AFDN: variants seen among roughly 807,000 people sequenced by gnomAD.
AFDN encodes afadin, adherens junction formation factor.
A neutral mutation model predicts 216.6 loss-of-function variants in AFDN; 68 were observed. The observed-to-expected ratio is 0.31, with a 90% CI of 0.26 to 0.38. The LOEUF (loss-of-function observed/expected upper bound fraction) is 0.38, where lower values mean the gene tolerates loss of function less well. Ranked by LOEUF, AFDN falls within the 10% of genes least tolerant of loss-of-function variation. AFDN has a pLI of 1.00. For synonymous variants in AFDN, 868 were observed against 853.7 expected (o/e 1.02, Z -0.29); for missense variants, 2,136 against 2,342.0 (o/e 0.91, Z 1.82).
At chr6:167,832,007 T>C (rs1779881146) in intron 1 of AFDN, among the ~76,000 whole-genome samples, 1 of 152,240 alleles carries the variant, frequency 6.6e-6, no homozygotes. Flanking sequence ...ACTGAACTCA[T>C]TTGAAAATTA....
In AFDN at chr6:167,911,421, A is replaced by C; in HGVS notation, c.1969A>C (p.Thr657Pro). The C allele has an allele frequency of 6.2e-7, 1 of 1,614,144 alleles. No individual in the cohort carries two copies. Among genetic ancestry groups the C allele is most frequent in the Non-Finnish European group, 8.5e-7 (1 of 1,180,020 alleles). ...SNQYRPDISP[T>P]ERTHKVIAVV... ...CCAGTACAGACCTGACATCAGCCCT[A>C]CAGAGCGCACACATAAAGTCATTGC... The change falls in exon 15 of 34, where the codon ACA (threonine) becomes CCA (proline). Residue 657 changes from threonine to proline, a missense_variant. Thr to Pro is a conservative substitution (Grantham distance 38, BLOSUM62 -1). Around this residue, in one of 8 missense-constraint regions of AFDN, gnomAD observed 817 missense variants for 965.7 expected, o/e 0.85. Coordinates refer to ENST00000683244, the MANE Select transcript of AFDN (RefSeq NM_001386888.1).
chr6:167,966,144 G>C (rs755030738), intron 32 of AFDN, 99 bp downstream of exon 32: 1 of 1,535,026 alleles, frequency 6.5e-7, no homozygotes, highest in South Asian at 1.2e-5. Flanking sequence ...CCCGGCCTCC[G>C]ATGGCGTCTT....
intron 23 of AFDN, among the ~76,000 whole-genome samples, chr6:167,926,057 TTAATTGCTAA>T (rs1169664058): frequency 1.3e-5 from 2 of 152,266 alleles, no homozygotes; most frequent in Non-Finnish European, 2.9e-5. Flanking sequence ...GAGAAATATT[TTAATTGCTAA>T]TAGTCAAAAA....
chr6:167,943,076 C>A, intron 23 of AFDN, 53 bp from the exon 24 acceptor site: 1 of 1,471,810 alleles, frequency 6.8e-7, no homozygotes. Flanking sequence ...CTGCATAGTG[C>A]ATTTCTTACA....
intron 1 of AFDN, among the ~76,000 whole-genome samples, chr6:167,834,325 G>A (rs544835313): frequency 1.3e-5 from 2 of 151,950 alleles, no homozygotes; most frequent in Non-Finnish European, 2.9e-5. Flanking sequence ...ATAAGTGCTC[G>A]CACTTAGGAG....
chr6:167,889,871 T>A (rs1436066295), intron 7 of AFDN, among the ~76,000 whole-genome samples: 1 of 152,246 alleles, frequency 6.6e-6, no homozygotes. Flanking sequence ...ACACATTTCA[T>A]GCTGACTAGA....
chr6:167,913,485 C>T (rs1021250859), intron 16 of AFDN, 62 bp downstream of exon 16: 2 of 1,456,496 alleles, frequency 1.4e-6, no homozygotes, highest in Non-Finnish European at 1.9e-6. Context: ...TCATGCTGCT[C>T]CCATGTCAAA....
chr6:167,966,110 A>G (rs1238096540), intron 32 of AFDN, 65 bp downstream of exon 32: 2 of 1,535,510 alleles, frequency 1.3e-6, no homozygotes, highest in African/African-American at 1.4e-5. Flanking sequence ...CTCTTAAACC[A>G]CGGCCACCCC....
At position 167,965,850 on chromosome 6, in the gene AFDN, C is replaced by T; in HGVS notation, c.5062C>T (p.Pro1688Ser). The T allele has an allele frequency of 6.5e-7, 1 of 1,549,804 alleles. No homozygotes were observed. Among genetic ancestry groups the T allele is most frequent in the Non-Finnish European group, 8.7e-7 (1 of 1,146,752 alleles). ...GCGCAGGTTGCTGGAGCCCGAGGCG[C>T]CCGGTCTGTGCCGCCCTCCGCTTCC... ...AARRLLEPEA[P>S]GLCRPPLPRD... The change falls in exon 32 of 34, where the codon CCC (proline) becomes TCC (serine). Residue 1688 changes from proline (P) to serine (S), a missense_variant. Physicochemically the swap from Pro to Ser is moderately conservative, Grantham distance 74. Around this residue, in one of 8 missense-constraint regions of AFDN, gnomAD observed 981 missense variants for 966.0 expected, o/e 1.02. Transcript: ENST00000683244.
chr6:167,928,886 AC>A (rs1349052723), intron 23 of AFDN, among the ~76,000 whole-genome samples: 2 of 152,230 alleles, frequency 1.3e-5, no homozygotes, highest in Non-Finnish European at 2.9e-5. Context: ...CAGAAGAAAC[AC>A]AGCCTTCTCT....
chr6:167,858,783 G>C (rs1007545289), intron 1 of AFDN, among the ~76,000 whole-genome samples: 4 of 152,214 alleles, frequency 2.6e-5, no homozygotes, highest in African/African-American at 9.6e-5. Flanking sequence ...GCCGGCAACA[G>C]AATAATAGTG....
intron 12 of AFDN, among the ~76,000 whole-genome samples, chr6:167,906,600 A>G (rs1789720876): frequency 6.6e-6 from 1 of 152,200 alleles, no homozygotes; most frequent in Non-Finnish European, 1.5e-5. Context: ...AATTCCATAC[A>G]AATGGTTAGA....
At chr6:167,963,840 G>A in intron 31 of AFDN, 1 of 1,063,834 alleles carries the variant, frequency 9.4e-7, no homozygotes, top group Non-Finnish European at 1.1e-6. Flanking sequence ...GCCGCTTGAT[G>A]TCTAAGTGTT....
chr6:167,962,305 G>T lies in AFDN; in HGVS notation c.4834-128G>T. ...ATTTTCCAACAGTGATTTTAACCTG[G>T]TATTTTATATTTAACTTTCTGTGTG... On this transcript the variant is annotated intron_variant, in intron 30 of 33. Transcript: ENST00000683244. The surrounding 1 kb of genome is among the most constrained non-coding windows in gnomAD (Gnocchi z 5.2). 1 of 1,277,010 alleles carries T rather than the reference G, an allele frequency of 7.8e-7. No homozygotes were observed. Among genetic ancestry groups the T allele is most frequent in the Admixed American group, 2.8e-5 (1 of 35,906 alleles). The allele number at this position is 1,277,010 out of a possible 1,614,324, so 79.1% of individuals were successfully genotyped here. A position where few individuals can be genotyped will look rare whatever the true frequency, so the allele number is the denominator to read the frequency against.
chr6:167,959,120 C>T (rs1796800139), intron 30 of AFDN, among the ~76,000 whole-genome samples: 1 of 152,252 alleles, frequency 6.6e-6, no homozygotes, highest in Non-Finnish European at 1.5e-5. Flanking sequence ...CTTTGAGCCA[C>T]ACTGTCTTCC....
intron 27 of AFDN, among the ~76,000 whole-genome samples, chr6:167,947,217 C>G (rs1433341727): frequency 6.6e-6 from 1 of 151,592 alleles, no homozygotes; most frequent in African/African-American, 2.4e-5. Flanking sequence ...CTCTCTCGCC[C>G]AGGCTGGAGT....
intron 12 of AFDN, among the ~76,000 whole-genome samples, chr6:167,902,692 G>T (rs542831458): frequency 2.0e-5 from 3 of 152,234 alleles, no homozygotes; most frequent in Middle Eastern, 6.8e-3. Flanking sequence ...TGTTAATTTG[G>T]TCTCTGTCTC....
At chr6:167,830,084 T>C (rs1779657855) in intron 1 of AFDN, among the ~76,000 whole-genome samples, 1 of 152,232 alleles carries the variant, frequency 6.6e-6, no homozygotes, top group Non-Finnish European at 1.5e-5. Flanking sequence ...AATGTCTTGA[T>C]TACTATGAAA....
intron 31 of AFDN, chr6:167,963,147 C>T: frequency 6.6e-6 from 7 of 1,065,758 alleles, no homozygotes; most frequent in Non-Finnish European, 8.0e-6. Flanking sequence ...ATCAAGTAAC[C>T]CTTTTAATTG....
Sources: allele counts gnomAD v4.1 joint callset (sites outside exome capture counted in the v4.1 genomes callset), GRCh38; gene constraint gnomAD v4.1.1; regional missense constraint gnomAD v4.1.1; non-coding constraint Gnocchi (gnomAD v3.1); transcripts MANE v1.5; gene names NCBI Gene and HGNC (gene_info 2026-07-23, HGNC 2026-07-21).